The following CCDC88C variants were observed in gnomAD, a reference collection of about 807,000 sequenced individuals.
CCDC88C encodes coiled-coil and HOOK domain protein 88C.
A neutral mutation model predicts 198.8 loss-of-function variants in CCDC88C; 131 were observed. That is an observed-to-expected ratio of 0.66 (90% CI 0.57 to 0.76). The LOEUF (loss-of-function observed/expected upper bound fraction) is 0.76, where lower values mean the gene tolerates loss of function less well. Ranked by LOEUF, CCDC88C falls within the 30% of genes least tolerant of loss-of-function variation. The probability of loss-of-function intolerance (pLI) is 0.00; values close to 1 mark genes in which losing one functional copy is unlikely to be tolerated. For missense variants in CCDC88C, 2,553 were observed against 2,631.6 expected (o/e 0.97, Z 0.65); for synonymous variants, 1,166 against 1,114.7 (o/e 1.05, Z -0.92).
At chr14:91,308,229 G>A (rs1474131686) in intron 17 of CCDC88C, 122 bp downstream of exon 17, 8 of 1,128,448 alleles carry the variant, frequency 7.1e-6, no homozygotes, top group Middle Eastern at 2.6e-4. Flanking sequence ...ACTCTGTGGC[G>A]CATCTACCCC....
rs773716238 is a variant in CCDC88C, at chr14:91,272,930, G to A, written c.5782C>T (p.His1928Tyr). 3 of 1,568,648 alleles carry A rather than the reference G, an allele frequency of 1.9e-6. No homozygotes were observed. The highest frequency in any genetic ancestry group is 1.2e-5 in the South Asian group (1 of 86,676). The change falls in exon 30 of 30, where the codon CAC (histidine) becomes TAC (tyrosine). Residue 1928 changes from histidine (H) to tyrosine (Y), a missense_variant. Physicochemically the swap from His to Tyr is moderately conservative, Grantham distance 83 (BLOSUM62 2). Transcript: ENST00000389857. ...AGSGSNSQLL[H>Y]FSPAAAPAAR... ...GCCGGGGCTGCAGCAGGTGAGAAGT[G>A]CAGGAGCTGGGAGTTGCTGCCACTG... is the stretch of plus-strand genomic sequence containing the variant.
rs1891964154 is a variant in CCDC88C, at chr14:91,313,843, G to C, written c.1973C>G (p.Thr658Ser). 1 of 1,603,896 alleles carries C rather than the reference G, an allele frequency of 6.2e-7. No homozygotes were observed. The highest frequency in any genetic ancestry group is 8.5e-7 in the Non-Finnish European group (1 of 1,176,650). The change falls in exon 15 of 30, where the codon ACC becomes AGC. Residue 658 changes from threonine (T) to serine (S), a missense_variant. Physicochemically the swap from Thr to Ser is moderately conservative, Grantham distance 58 (BLOSUM62 1). Coordinates refer to ENST00000389857, the MANE Select transcript of CCDC88C (RefSeq NM_001080414.4). This position sits in a 1 kb window ranked among gnomAD's most constrained non-coding sequence, Gnocchi z 5.2. ...ATGCTCCAGGGCCTCGACTTTCTCGGTGGCTGTCTCCAGGGAGGTCACCTT... is the reference window on the plus strand; with the variant it reads ...ATGCTCCAGGGCCTCGACTTTCTCGCTGGCTGTCTCCAGGGAGGTCACCTT... ...ARKVTSLETA[T>S]EKVEALEHES... is the part of the protein sequence containing the mutation.
At chr14:91,416,910 A>G (rs948860096) in intron 1 of CCDC88C, 72 bp from the exon 2 acceptor site, 3 of 1,097,756 alleles carry the variant, frequency 2.7e-6, no homozygotes, top group Admixed American at 2.0e-5. Flanking sequence ...AAGCTCTCCC[A>G]GGCAGAGACT....
intron 3 of CCDC88C, among the ~76,000 whole-genome samples, chr14:91,364,399 T>A (rs943451208): frequency 6.6e-5 from 10 of 152,206 alleles, no homozygotes; most frequent in Non-Finnish European, 1.5e-4. Flanking sequence ...CTCGGCCAAT[T>A]AAATGCTTTA....
At chr14:91,359,562 G>A (rs374231460) in intron 4 of CCDC88C, 80 bp downstream of exon 4, 48 of 1,140,972 alleles carry the variant, frequency 4.2e-5, no homozygotes, top group African/African-American at 7.7e-5. Context: ...GCTGGCAGCC[G>A]GAGCTCGATG....
Position 91,273,450 on chromosome 14 carries a change from G to A in CCDC88C, c.5262C>T (p.Asn1754=), listed in dbSNP as rs1218023245. The change falls in exon 30 of 30, where the codon AAC becomes AAT. Residue 1754 remains asparagine (N), a synonymous_variant. Coordinates refer to ENST00000389857, the MANE Select transcript of CCDC88C (RefSeq NM_001080414.4). This position sits in a 1 kb window ranked among gnomAD's most constrained non-coding sequence, Gnocchi z 5.6. ...GGGCCTCGGCCTCAGTCAGTCTGAA[G>A]TTTGGCTTTACGTACTGCCCGGGCT... The part of the protein sequence containing the change: ...PLKPGQYVKP[N]FRLTEAEAPP... 4 of 1,589,310 alleles carry A rather than the reference G, an allele frequency of 2.5e-6. 1 individual carries two copies. In the South Asian group the frequency reaches 4.5e-5, roughly 18 times the overall value.
intron 3 of CCDC88C, among the ~76,000 whole-genome samples, chr14:91,390,196 C>T (rs776640484): frequency 6.6e-6 from 1 of 152,050 alleles, no homozygotes; most frequent in Non-Finnish European, 1.5e-5. Flanking sequence ...ACTTTCAAGG[C>T]GGGGCTGGGG....
At chr14:91,388,123 T>C (rs1425106652) in intron 3 of CCDC88C, among the ~76,000 whole-genome samples, 3 of 152,174 alleles carry the variant, frequency 2.0e-5, no homozygotes, top group Non-Finnish European at 4.4e-5. Flanking sequence ...CCATCCCCCT[T>C]AGAGTCACCA....
intron 13 of CCDC88C, among the ~76,000 whole-genome samples, chr14:91,319,387 C>A (rs1301699791): frequency 1.3e-5 from 2 of 152,252 alleles, no homozygotes; most frequent in Non-Finnish European, 2.9e-5. Context: ...GACCTAACAG[C>A]TGTCATTAAA....
At chr14:91,416,507 T>C (rs542064361) in intron 2 of CCDC88C, among the ~76,000 whole-genome samples, 2 of 152,208 alleles carry the variant, frequency 1.3e-5, no homozygotes, top group South Asian at 4.2e-4. Flanking sequence ...TGACAGTCAT[T>C]CAATTCCAAA....
intron 15 of CCDC88C, among the ~76,000 whole-genome samples, chr14:91,311,163 C>T (rs1891806152): frequency 6.6e-6 from 1 of 152,178 alleles, no homozygotes; most frequent in Non-Finnish European, 1.5e-5. Flanking sequence ...TGAAGGGTCC[C>T]CTGGACTCTG....
chr14:91,317,315 G>A (rs1157272452), intron 13 of CCDC88C, among the ~76,000 whole-genome samples: 2 of 152,246 alleles, frequency 1.3e-5, no homozygotes, highest in Non-Finnish European at 2.9e-5. Flanking sequence ...TGAAGAGCCA[G>A]GTTGGCACTA....
chr14:91,404,085 C>T (rs2140006007), intron 3 of CCDC88C, among the ~76,000 whole-genome samples: 1 of 152,350 alleles, frequency 6.6e-6, no homozygotes, highest in Middle Eastern at 3.4e-3. Flanking sequence ...CCAGGCTGCT[C>T]AGCAGATATC....
chr14:91,367,471 C>T (rs920388724), intron 3 of CCDC88C, among the ~76,000 whole-genome samples: 1 of 152,186 alleles, frequency 6.6e-6, no homozygotes, highest in African/African-American at 2.4e-5. Context: ...CTCTAGACAC[C>T]GTCTTCCCTG....
intron 1 of CCDC88C, 41 bp from the exon 2 acceptor site, chr14:91,416,879 C>G: frequency 7.0e-7 from 1 of 1,430,820 alleles, no homozygotes; most frequent in Non-Finnish European, 9.8e-7. Context: ...AGGAAGTCAC[C>G]CCGTGCGCAC....
chr14:91,345,667 C>T (rs577788617), intron 4 of CCDC88C, among the ~76,000 whole-genome samples: 1 of 152,280 alleles, frequency 6.6e-6, no homozygotes, highest in Non-Finnish European at 1.5e-5. Flanking sequence ...ATTTACCTCA[C>T]CACTTTCCCA....
chr14:91,366,974 C>T (rs1894570127), intron 3 of CCDC88C, among the ~76,000 whole-genome samples: 1 of 152,228 alleles, frequency 6.6e-6, no homozygotes, highest in Admixed American at 6.5e-5. Flanking sequence ...GGGAAAGATG[C>T]AGGTGGAAAC....
rs559834287 is a variant in CCDC88C at position 91,312,477 on chromosome 14, G to A, written c.2736+603C>T. Among the ~76,000 whole-genome samples the A allele has an allele frequency of 9.2e-5, 14 of 152,278 alleles. No homozygotes were observed. In the South Asian group the frequency reaches 1.7e-3, roughly 18 times the overall value. The stretch of plus-strand genomic sequence containing the variant: ...GCGGGTGGGTCACCTGAGGTCAGGC[G>A]TTCGAGACCAGCCTGGCCAACATGG... On this transcript the variant is annotated intron_variant, in intron 15 of 29. Transcript: ENST00000389857.
At chr14:91,385,376 T>G (rs1885068767) in intron 3 of CCDC88C, among the ~76,000 whole-genome samples, 1 of 149,382 alleles carries the variant, frequency 6.7e-6, no homozygotes, top group African/African-American at 2.5e-5. Context: ...CAGGCCTCGA[T>G]TCTGACAGAC....
Sources: allele counts gnomAD v4.1 joint callset (sites outside exome capture counted in the v4.1 genomes callset), GRCh38; gene constraint gnomAD v4.1.1; non-coding constraint Gnocchi (gnomAD v3.1); transcripts MANE v1.5; gene names NCBI Gene and HGNC (gene_info 2026-07-23, HGNC 2026-07-21).